The following SLC35F3 variants were observed in gnomAD, a reference collection of about 807,000 sequenced individuals.
SLC35F3 encodes the protein solute carrier family 35 member F3, also known as putative thiamine transporter SLC35F3.
In SLC35F3, 25 loss-of-function variants were observed where a neutral mutation model predicts 49.9. The ratio of observed to expected loss-of-function variants is 0.50; its 90% CI spans 0.37 to 0.70. The LOEUF is 0.70. Among genes scored for constraint, SLC35F3 ranks in the 30% least tolerant of loss-of-function variants. The pLI is 0.00. For missense variants in SLC35F3, 525 were observed against 639.8 expected, an observed-to-expected ratio of 0.82 and a Z score of 1.94; for synonymous variants, 275 against 265.4, an observed-to-expected ratio of 1.04 and a Z score of -0.35.
chr1:234,178,984 C>G (rs554635693), intron 2 of SLC35F3, among the ~76,000 whole-genome samples: 145 of 152,242 alleles, frequency 9.5e-4, no homozygotes, highest in African/African-American at 2.6e-3. Context: ...ATATCATAAG[C>G]TGGACTCTCG....
intron 3 of SLC35F3, among the ~76,000 whole-genome samples, chr1:234,282,071 A>G (rs1056650749): frequency 6.6e-6 from 1 of 152,110 alleles, no homozygotes; most frequent in Non-Finnish European, 1.5e-5. Context: ...GCCAGATGGA[A>G]CAAAGGCCTC....
chr1:234,106,133 G>A (rs1209058659), intron 2 of SLC35F3, among the ~76,000 whole-genome samples: 2 of 152,184 alleles, frequency 1.3e-5, no homozygotes, highest in African/African-American at 4.8e-5. Context: ...ATTTGTTTGG[G>A]TGGCATTGTT....
chr1:234,123,239 ATGTT>A (rs904587172), intron 2 of SLC35F3, among the ~76,000 whole-genome samples: 1 of 151,936 alleles, frequency 6.6e-6, no homozygotes, highest in Non-Finnish European at 1.5e-5. Flanking sequence ...GCTTTTTTTC[ATGTT>A]TGTTGGCCAC....
At chr1:234,009,290 G>C (rs1663677817) in intron 2 of SLC35F3, among the ~76,000 whole-genome samples, 1 of 152,168 alleles carries the variant, frequency 6.6e-6, no homozygotes, top group Admixed American at 6.5e-5. Context: ...TGGCAACTCT[G>C]TGTTTGAAGA....
At chr1:234,213,465 G>A (rs1232911880) in intron 2 of SLC35F3, 1 of 152,316 alleles carries the variant, frequency 6.6e-6, no homozygotes, top group African/African-American at 2.4e-5. Flanking sequence ...GATGATAGCA[G>A]GGCACCTCTG....
At chr1:234,193,346 G>T (rs1486433998) in intron 2 of SLC35F3, among the ~76,000 whole-genome samples, 2 of 152,116 alleles carry the variant, frequency 1.3e-5, no homozygotes, top group Non-Finnish European at 2.9e-5. Flanking sequence ...AGTGTGGAAA[G>T]GCCACCCTAT....
chr1:234,276,521 C>A (rs1668213465), intron 3 of SLC35F3, among the ~76,000 whole-genome samples: 1 of 139,588 alleles, frequency 7.2e-6, no homozygotes, highest in Non-Finnish European at 1.6e-5. Context: ...TACATGGATT[C>A]TAACTAACTC....
intron 2 of SLC35F3, among the ~76,000 whole-genome samples, chr1:233,938,350 G>A (rs1184306791): frequency 6.6e-6 from 1 of 152,066 alleles, no homozygotes; most frequent in Non-Finnish European, 1.5e-5. Flanking sequence ...GGCTGAACCC[G>A]GGTTATATGG....
intron 2 of SLC35F3, among the ~76,000 whole-genome samples, chr1:234,055,557 C>T (rs180675059): frequency 8.5e-5 from 13 of 152,324 alleles, no homozygotes; most frequent in Admixed American, 2.0e-4. Flanking sequence ...CCGTCTGTCA[C>T]GGCTTCCCTT....
chr1:234,274,823 G>A (rs987690324), intron 3 of SLC35F3, among the ~76,000 whole-genome samples: 1 of 152,144 alleles, frequency 6.6e-6, no homozygotes, highest in Non-Finnish European at 1.5e-5. Flanking sequence ...GCATTTCAAG[G>A]ACTCTATTTC....
intron 2 of SLC35F3, among the ~76,000 whole-genome samples, chr1:234,062,824 G>A (rs960858003): frequency 4.7e-5 from 7 of 150,330 alleles, no homozygotes; most frequent in Non-Finnish European, 7.4e-5. Context: ...GGGACTACAG[G>A]TGCCCACCAC....
chr1:234,119,252 A>G (rs1167452724), intron 2 of SLC35F3, among the ~76,000 whole-genome samples: 1 of 151,196 alleles, frequency 6.6e-6, no homozygotes, highest in Non-Finnish European at 1.5e-5. Context: ...TTTGCACACT[A>G]GCCTCCATCT....
At chr1:234,158,183 G>A (rs529689611) in intron 2 of SLC35F3, among the ~76,000 whole-genome samples, 16 of 152,258 alleles carry the variant, frequency 1.1e-4, no homozygotes, top group African/African-American at 2.6e-4. Context: ...TCTCCATTCC[G>A]TTAAATCGTG....
intron 2 of SLC35F3, among the ~76,000 whole-genome samples, chr1:234,069,259 T>A: frequency 9.8e-6 from 1 of 101,978 alleles, no homozygotes; most frequent in Admixed American, 1.1e-4. Flanking sequence ...ATATATAAAA[T>A]ACATTTTTTT....
intron 2 of SLC35F3, among the ~76,000 whole-genome samples, chr1:234,141,460 A>G (rs1665912603): frequency 6.6e-6 from 1 of 152,172 alleles, no homozygotes; most frequent in Non-Finnish European, 1.5e-5. Context: ...ATGAGTTTGG[A>G]TATATACATA....
intron 3 of SLC35F3, among the ~76,000 whole-genome samples, chr1:234,247,630 G>T (rs560041361): frequency 6.6e-6 from 1 of 152,270 alleles, no homozygotes; most frequent in African/African-American, 2.4e-5. Context: ...TAGGTTGGTT[G>T]GCTGGTCCAT....
At chr1:233,915,565 CT>C (rs1164032929) in intron 2 of SLC35F3, among the ~76,000 whole-genome samples, 1 of 152,044 alleles carries the variant, frequency 6.6e-6, no homozygotes, top group Non-Finnish European at 1.5e-5. Flanking sequence ...AAAAAAGTCC[CT>C]TGTTTCTAAA....
Position 234,214,726 on chromosome 1 carries a change from T to TG in SLC35F3, c.284-16685dup. 9.6e-6 allele frequency: 10 copies of TG among 1,040,230 alleles called. No individual in the cohort carries two copies. The highest frequency in any genetic ancestry group is 2.2e-5 in the South Asian group (1 of 46,244). 64.4% of individuals were successfully genotyped at this position (1,040,230 alleles called of 1,614,324 possible). A position where few individuals can be genotyped will look rare whatever the true frequency, so the allele number is the denominator to read the frequency against. On this transcript the variant is annotated intron_variant, in intron 2 of 7. Coordinates refer to ENST00000366618, the MANE Select transcript of SLC35F3 (RefSeq NM_173508.4). This position sits in a 1 kb window ranked among gnomAD's most constrained non-coding sequence, Gnocchi z 8.0. ...GCAGTGCAGAGCGCCGCCGCCTGCGTGGGGGGATCTGGCAGCTTCAGGGGC... is the reference window on the plus strand; with the variant it reads ...GCAGTGCAGAGCGCCGCCGCCTGCGTGGGGGGGATCTGGCAGCTTCAGGGGC...
At chr1:234,044,606 C>A (rs1664264167) in intron 2 of SLC35F3, among the ~76,000 whole-genome samples, 1 of 152,110 alleles carries the variant, frequency 6.6e-6, no homozygotes. Flanking sequence ...CATTTGTTAC[C>A]ATCAGATTTT....
Sources: gnomAD v4.1 joint callset for allele counts (sites outside exome capture counted in the v4.1 genomes callset) on GRCh38, gnomAD v4.1.1 for gene constraint, Gnocchi (gnomAD v3.1) non-coding constraint, MANE v1.5 for transcripts, NCBI Gene and HGNC (gene_info 2026-07-23, HGNC 2026-07-21) for gene names.